Variants in AGPAT5 observed in about 807,000 individuals in gnomAD.
AGPAT5 encodes 1-acyl-sn-glycerol-3-phosphate acyltransferase epsilon.
In AGPAT5, 46 loss-of-function variants were observed where a neutral mutation model predicts 45.6. The observed-to-expected ratio is 1.01, with a 90% CI of 0.80 to 1.29. AGPAT5 has a LOEUF of 1.29. AGPAT5 is among the 50% of genes most tolerant of loss of function. The pLI, the probability that AGPAT5 is intolerant of heterozygous loss-of-function variation, is 0.00. For synonymous variants in AGPAT5, 272 were observed against 167.0 expected, an observed-to-expected ratio of 1.63 and a Z score of -4.85; for missense variants, 673 against 450.7, an observed-to-expected ratio of 1.49 and a Z score of -4.47.
At chr8:6,716,364 G>A (rs1397204639) in intron 1 of AGPAT5, among the ~76,000 whole-genome samples, 4 of 152,076 alleles carry the variant, frequency 2.6e-5, no homozygotes, top group Admixed American at 1.3e-4. Flanking sequence ...TTCGAGACCA[G>A]TCTGGCCAAC....
chr8:6,713,463 TTAAGTGTAAA>T, intron 1 of AGPAT5, among the ~76,000 whole-genome samples: 1 of 152,334 alleles, frequency 6.6e-6, no homozygotes. Context: ...TTGACCTGCT[TTAAGTGTAAA>T]ATAGTGTGAA....
At chr8:6,745,460 C>A (rs1345061012) in intron 5 of AGPAT5, among the ~76,000 whole-genome samples, 1 of 152,194 alleles carries the variant, frequency 6.6e-6, no homozygotes, top group Non-Finnish European at 1.5e-5. Context: ...CACTGACCTC[C>A]AAAGCATCGT....
chr8:6,719,630 C>G (rs946529467), intron 1 of AGPAT5, among the ~76,000 whole-genome samples: 2 of 152,214 alleles, frequency 1.3e-5, no homozygotes, highest in African/African-American at 4.8e-5. Context: ...GGAATCATCA[C>G]TATTACAGGA....
At chr8:6,745,946 C>G (rs1395765764) in intron 5 of AGPAT5, 1 of 152,050 alleles carries the variant, frequency 6.6e-6, no homozygotes, top group Admixed American at 6.6e-5. Flanking sequence ...TCTCTCTCCC[C>G]CTTCTTTCTT....
At chr8:6,711,414 G>C (rs2116843608) in intron 1 of AGPAT5, among the ~76,000 whole-genome samples, 1 of 152,236 alleles carries the variant, frequency 6.6e-6, no homozygotes, top group East Asian at 1.9e-4. Flanking sequence ...TATCCTTTTA[G>C]GTCCTTCCAG....
At chr8:6,741,281 A>G (rs1407011574) in intron 4 of AGPAT5, among the ~76,000 whole-genome samples, 1 of 152,120 alleles carries the variant, frequency 6.6e-6, no homozygotes, top group Non-Finnish European at 1.5e-5. Context: ...ACTGATTTCT[A>G]AAATTTGTAT....
At chr8:6,717,636 C>T (rs989067293) in intron 1 of AGPAT5, among the ~76,000 whole-genome samples, 1 of 152,202 alleles carries the variant, frequency 6.6e-6, no homozygotes, top group African/African-American at 2.4e-5. Flanking sequence ...CAAATGAATA[C>T]TTAACTGGGT....
At chr8:6,720,544 C>T (rs1242138559) in intron 1 of AGPAT5, among the ~76,000 whole-genome samples, 1 of 152,118 alleles carries the variant, frequency 6.6e-6, no homozygotes, top group Admixed American at 6.5e-5. Flanking sequence ...CCAATATTGG[C>T]CAGAACCCAC....
chr8:6,712,036 T>A (rs1418144077), intron 1 of AGPAT5, among the ~76,000 whole-genome samples: 8 of 152,166 alleles, frequency 5.3e-5, no homozygotes, highest in Admixed American at 3.9e-4. Flanking sequence ...CTGCCCTTCA[T>A]TCCCCCACAA....
At chr8:6,728,482 G>A (rs957023660) in intron 2 of AGPAT5, among the ~76,000 whole-genome samples, 1 of 152,198 alleles carries the variant, frequency 6.6e-6, no homozygotes, top group South Asian at 2.1e-4. Flanking sequence ...AAGTTTAAGG[G>A]CATAGCCCAG....
At chr8:6,748,664 A>G (rs1045000774) in intron 6 of AGPAT5, among the ~76,000 whole-genome samples, 1 of 152,110 alleles carries the variant, frequency 6.6e-6, no homozygotes, top group African/African-American at 2.4e-5. Context: ...GCCACCATGC[A>G]TGACTAATAT....
Position 6,753,190 on chromosome 8 carries a change from C to T in AGPAT5, c.746-1861C>T, listed in dbSNP as rs1490083094. On this transcript the variant is annotated intron_variant, in intron 6 of 7. Coordinates refer to ENST00000285518, the MANE Select transcript of AGPAT5 (RefSeq NM_018361.5). ...GAGTGCTTTTGTCTCAGCAGCACTG[C>T]CTCTTCTTCCAAAGCTGACGTCTTA... Among the ~76,000 whole-genome samples, 5 of 152,334 alleles carry T rather than the reference C, an allele frequency of 3.3e-5. No individual in the cohort carries two copies. In the East Asian group the frequency reaches 9.6e-4, roughly 29 times the overall value.
intron 6 of AGPAT5, among the ~76,000 whole-genome samples, chr8:6,749,574 G>A (rs1296177867): frequency 6.6e-6 from 1 of 152,066 alleles, no homozygotes; most frequent in Non-Finnish European, 1.5e-5. Flanking sequence ...AATTTGTTGT[G>A]CGTTGTATGT....
At chr8:6,741,627 A>G (rs1483144888) in intron 4 of AGPAT5, 34 bp from the exon 5 acceptor site, 1 of 1,505,814 alleles carries the variant, frequency 6.6e-7, no homozygotes, top group Non-Finnish European at 9.0e-7. Context: ...CAAAGCTCAC[A>G]CAAAATAAAC....
At chr8:6,736,696 C>T (rs115283453) in intron 4 of AGPAT5, among the ~76,000 whole-genome samples, 1,991 of 152,350 alleles carry the variant, frequency 0.013, 27 homozygotes, top group African/African-American at 0.039. Flanking sequence ...GCTCCTCTAG[C>T]GTGGGCCCCA....
At chr8:6,742,342 C>A (rs1448947068) in intron 5 of AGPAT5, among the ~76,000 whole-genome samples, 1 of 152,178 alleles carries the variant, frequency 6.6e-6, no homozygotes, top group Non-Finnish European at 1.5e-5. Context: ...TTCTTAATAT[C>A]CATATTTTAG....
chr8:6,750,113 C>T (rs2911971), intron 6 of AGPAT5, among the ~76,000 whole-genome samples: 1 of 152,146 alleles, frequency 6.6e-6, no homozygotes, highest in Non-Finnish European at 1.5e-5. Context: ...TGTTCTCCCA[C>T]AGTGACAGGC....
At chr8:6,716,067 C>G (rs1800319349) in intron 1 of AGPAT5, among the ~76,000 whole-genome samples, 1 of 151,958 alleles carries the variant, frequency 6.6e-6, no homozygotes, top group African/African-American at 2.4e-5. Flanking sequence ...CCAACTCAAG[C>G]CCTTGCTTTT....
intron 1 of AGPAT5, among the ~76,000 whole-genome samples, chr8:6,715,216 G>A (rs1466869253): frequency 6.6e-6 from 1 of 152,208 alleles, no homozygotes; most frequent in East Asian, 1.9e-4. Flanking sequence ...ATGCCAGGTT[G>A]TTTAGCCTGG....
Sources: allele counts gnomAD v4.1 joint callset (sites outside exome capture counted in the v4.1 genomes callset), GRCh38; gene constraint gnomAD v4.1.1; transcripts MANE v1.5; gene names NCBI Gene and HGNC (gene_info 2026-07-23, HGNC 2026-07-21).